Variants in GPD1L observed in about 807,000 individuals in gnomAD.
GPD1L encodes the protein glycerol-3-phosphate dehydrogenase 1-like protein.
GPD1L carries 17 observed loss-of-function variants against 32.9 expected under a neutral mutation model. That is an observed-to-expected ratio of 0.52 (90% CI 0.35 to 0.78). The LOEUF is 0.78. Among genes scored for constraint, GPD1L ranks in the 30% least tolerant of loss-of-function variants. GPD1L has a pLI of 0.01. For missense variants in GPD1L, 361 were observed against 447.8 expected (o/e 0.81, Z 1.75); for synonymous variants, 187 against 165.9 (o/e 1.13, Z -0.98).
chr3:32,117,764 T>C (rs1700353664), intron 1 of GPD1L, among the ~76,000 whole-genome samples: 1 of 152,202 alleles, frequency 6.6e-6, no homozygotes, highest in Admixed American at 6.5e-5. Flanking sequence ...AGACTGGTGG[T>C]CCTTAAAGGC....
intron 7 of GPD1L, among the ~76,000 whole-genome samples, chr3:32,165,281 T>A (rs753563753): frequency 2.0e-5 from 3 of 151,732 alleles, no homozygotes; most frequent in Non-Finnish European, 4.4e-5. Context: ...TGTATTCACA[T>A]CTTGGAAGAA....
chr3:32,134,347 C>T (rs889793241), intron 2 of GPD1L, among the ~76,000 whole-genome samples: 2 of 152,168 alleles, frequency 1.3e-5, no homozygotes, highest in Non-Finnish European at 2.9e-5. Context: ...CCTAAGTATT[C>T]CACCAAGGAG....
At chr3:32,148,763 C>T (rs116647361) in intron 5 of GPD1L, among the ~76,000 whole-genome samples, 212 of 152,322 alleles carry the variant, frequency 1.4e-3, no homozygotes, top group African/African-American at 4.9e-3. Flanking sequence ...ACGAAGCCCT[C>T]TCTCATCAGA....
chr3:32,149,133 C>T (rs1311157415), intron 5 of GPD1L, among the ~76,000 whole-genome samples: 1 of 152,210 alleles, frequency 6.6e-6, no homozygotes, highest in Non-Finnish European at 1.5e-5. Flanking sequence ...AATCATGGCT[C>T]ATTGCAACCT....
intron 4 of GPD1L, among the ~76,000 whole-genome samples, chr3:32,145,909 T>G (rs1700813681): frequency 6.6e-6 from 1 of 152,076 alleles, no homozygotes; most frequent in African/African-American, 2.4e-5. Context: ...TTCAGAAAAG[T>G]AGAGTAGTAT....
intron 2 of GPD1L, among the ~76,000 whole-genome samples, chr3:32,138,358 G>C (rs1054067023): frequency 1.3e-5 from 2 of 152,206 alleles, no homozygotes; most frequent in Non-Finnish European, 2.9e-5. Flanking sequence ...AGGCAGTTGA[G>C]GGGTGGAGAG....
chr3:32,146,924 G>A (rs1370535657), intron 5 of GPD1L, among the ~76,000 whole-genome samples, 190 bp downstream of exon 5: 1 of 152,170 alleles, frequency 6.6e-6, no homozygotes, highest in African/African-American at 2.4e-5. Flanking sequence ...TCTTACTCGT[G>A]GCTTGCTTTA....
At chr3:32,162,319 CCTATGGTACCGT>C (rs1364284652) in intron 7 of GPD1L, among the ~76,000 whole-genome samples, 2 of 152,192 alleles carry the variant, frequency 1.3e-5, no homozygotes, top group African/African-American at 2.4e-5. Context: ...CCTCTTACTC[CCTATGGTACCGT>C]CTTTTCTTGA....
intron 7 of GPD1L, among the ~76,000 whole-genome samples, chr3:32,162,680 A>G (rs77766514): frequency 0.095 from 14,194 of 149,552 alleles, 1,242 homozygotes; most frequent in Non-Finnish European, 0.11. Context: ...AGACCGTGTC[A>G]CATTCTGAGA....
At chr3:32,137,252 T>C (rs1039049508) in intron 2 of GPD1L, among the ~76,000 whole-genome samples, 28 of 152,212 alleles carry the variant, frequency 1.8e-4, no homozygotes, top group African/African-American at 5.8e-4. Context: ...TAAATACATA[T>C]GACAGAAAAC....
At chr3:32,145,233 C>A (rs1245517531) in intron 4 of GPD1L, among the ~76,000 whole-genome samples, 3 of 151,972 alleles carry the variant, frequency 2.0e-5, no homozygotes, top group Non-Finnish European at 4.4e-5. Context: ...GCGGGAGAAT[C>A]GCTTGAGCTT....
rs60130762 is a variant in GPD1L, at chr3:32,144,822, AACAC to A, written c.506-1771_506-1768del. ...TGCCTCAGCCTCCTGAGTAGCTGGG[AACAC>A]ACACACACACACACACACACACACA... On this transcript the variant is annotated intron_variant, in intron 4 of 7. Coordinates refer to ENST00000282541, the MANE Select transcript of GPD1L (RefSeq NM_015141.4). Among the ~76,000 whole-genome samples, 1,150 of 142,062 alleles carry A rather than the reference AACAC, an allele frequency of 8.1e-3. 10 individuals carry two copies. The highest frequency in any genetic ancestry group is 0.021 in the African/African-American group (806 of 38,664). 93.2% of individuals were successfully genotyped at this position (142,062 alleles called of 152,430 possible). A position where few individuals can be genotyped will look rare whatever the true frequency, so the allele number is the denominator to read the frequency against.
chr3:32,148,849 C>T (rs529583115), intron 5 of GPD1L, among the ~76,000 whole-genome samples: 3 of 152,166 alleles, frequency 2.0e-5, no homozygotes, highest in Non-Finnish European at 4.4e-5. Context: ...TTCCCCCCGA[C>T]TATAACACAG....
intron 7 of GPD1L, among the ~76,000 whole-genome samples, chr3:32,165,382 C>T (rs13058804): frequency 0.44 from 60,228 of 137,068 alleles, 13,067 homozygotes; most frequent in East Asian, 0.6. Flanking sequence ...TTCCAGCCTA[C>T]ATTATTTGTT....
chr3:32,164,148 G>A (rs559405271), intron 7 of GPD1L, among the ~76,000 whole-genome samples: 17 of 152,336 alleles, frequency 1.1e-4, no homozygotes, highest in Admixed American at 2.6e-4. Context: ...CTAGGAAGGT[G>A]AGTAGTCTCT....
At chr3:32,150,186 T>C (rs911216801) in intron 5 of GPD1L, among the ~76,000 whole-genome samples, 2 of 152,216 alleles carry the variant, frequency 1.3e-5, no homozygotes, top group African/African-American at 4.8e-5. Context: ...TCTAGGATTT[T>C]TATAAGTGGA....
At position 32,168,299 on chromosome 3, in the gene GPD1L, T is replaced by C. The variant is rs1701177675; in HGVS notation, c.*2389T>C. ...TTTTATAACCACCTGTGGTCCATTG[T>C]TCATTTTAATTCACATTTCTTATGA... On this transcript the variant is annotated 3_prime_UTR_variant, in exon 8 of 8. Coordinates refer to ENST00000282541, the MANE Select transcript of GPD1L (RefSeq NM_015141.4). 1 of 152,682 alleles carries C rather than the reference T, an allele frequency of 6.5e-6. No homozygotes were observed. Among genetic ancestry groups the C allele is most frequent in the Non-Finnish European group, 1.5e-5 (1 of 68,046 alleles). 9.5% of individuals were successfully genotyped at this position (152,682 alleles called of 1,614,324 possible).
chr3:32,121,621 ATATT>A (rs1700418143), intron 1 of GPD1L, among the ~76,000 whole-genome samples: 1 of 78,632 alleles, frequency 1.3e-5, no homozygotes, highest in Non-Finnish European at 2.2e-5. Context: ...ATTTCTATAT[ATATT>A]ATATATATTT....
At chr3:32,127,738 A>G (rs1294964419) in intron 1 of GPD1L, among the ~76,000 whole-genome samples, 1 of 152,136 alleles carries the variant, frequency 6.6e-6, no homozygotes, top group African/African-American at 2.4e-5. Context: ...ACATCTCAAT[A>G]TCCTTTCAAG....
Sources: allele counts gnomAD v4.1 joint callset (sites outside exome capture counted in the v4.1 genomes callset), GRCh38; gene constraint gnomAD v4.1.1; transcripts MANE v1.5; gene names NCBI Gene and HGNC (gene_info 2026-07-23, HGNC 2026-07-21).